The following VWA3B variants were observed in gnomAD, a reference collection of about 807,000 sequenced individuals.
VWA3B encodes the protein von Willebrand factor A domain-containing protein 3B.
VWA3B carries 138 observed loss-of-function variants against 158.3 expected under a neutral mutation model. The observed-to-expected ratio is 0.87, with a 90% CI of 0.76 to 1.00. The LOEUF is 1.00. VWA3B is among the 50% of genes least tolerant of loss of function. The pLI is 0.00. For missense variants in VWA3B, 1,555 were observed against 1,565.1 expected (o/e 0.99, Z 0.11); for synonymous variants, 596 against 587.3 (o/e 1.01, Z -0.21).
intron 19 of VWA3B, chr2:98,236,935 G>A (rs1685743249): frequency 6.6e-6 from 4 of 606,070 alleles, no homozygotes; most frequent in South Asian, 4.8e-5. Flanking sequence ...CAGCACTTGG[G>A]AAGGCTGTGG....
chr2:98,104,127 G>A (rs1325173038), intron 2 of VWA3B, among the ~76,000 whole-genome samples: 1 of 152,204 alleles, frequency 6.6e-6, no homozygotes, highest in Non-Finnish European at 1.5e-5. Flanking sequence ...ACAGCATATA[G>A]TTGGAGTTGG....
intron 21 of VWA3B, among the ~76,000 whole-genome samples, chr2:98,257,944 G>A (rs921285168): frequency 2.6e-5 from 4 of 151,720 alleles, no homozygotes; most frequent in Non-Finnish European, 5.9e-5. Flanking sequence ...ACAAAATCAT[G>A]AGCATTTATC....
At chr2:98,290,420 C>A in intron 22 of VWA3B, 91 bp from the exon 23 acceptor site, 1 of 993,318 alleles carries the variant, frequency 1.0e-6, no homozygotes, top group Non-Finnish European at 1.5e-6. Context: ...GACACAGAGC[C>A]AAACCATATC....
intron 12 of VWA3B, among the ~76,000 whole-genome samples, chr2:98,210,319 C>T (rs2105536704): frequency 6.6e-6 from 1 of 152,280 alleles, no homozygotes; most frequent in South Asian, 2.1e-4. Flanking sequence ...TTTAGCAACT[C>T]ACTCAGCTAG....
intron 12 of VWA3B, among the ~76,000 whole-genome samples, chr2:98,202,916 T>A (rs930611143): frequency 6.6e-5 from 10 of 152,140 alleles, no homozygotes; most frequent in Admixed American, 6.5e-4. Flanking sequence ...CACTGCAACC[T>A]CCACCTCCCA....
intron 25 of VWA3B, among the ~76,000 whole-genome samples, chr2:98,303,440 G>T (rs1452290399): frequency 6.6e-6 from 1 of 151,970 alleles, no homozygotes; most frequent in East Asian, 1.9e-4. Context: ...GTGTGTGTGT[G>T]TGTGTGTGTG....
chr2:98,184,368 C>T (rs1164149672), intron 9 of VWA3B, among the ~76,000 whole-genome samples: 1 of 152,248 alleles, frequency 6.6e-6, no homozygotes, highest in Non-Finnish European at 1.5e-5. Flanking sequence ...CCTTCAACCT[C>T]TTTCCGCCTT....
At chr2:98,291,691 G>A (rs915608572) in intron 23 of VWA3B, 23 of 152,262 alleles carry the variant, frequency 1.5e-4, no homozygotes, top group African/African-American at 5.5e-4. Context: ...GCTTCGGGTG[G>A]TAGATAGATA....
At chr2:98,252,234 A>G (rs1213531417) in intron 20 of VWA3B, among the ~76,000 whole-genome samples, 1 of 152,172 alleles carries the variant, frequency 6.6e-6, no homozygotes, top group South Asian at 2.1e-4. Flanking sequence ...TCCCAAGGCC[A>G]GGGCTCAGCC....
intron 21 of VWA3B, among the ~76,000 whole-genome samples, chr2:98,259,005 T>C (rs1385865049): frequency 1.3e-5 from 2 of 151,782 alleles, no homozygotes; most frequent in Non-Finnish European, 1.5e-5. Context: ...AAGTGCTTTT[T>C]TCTGTATCTA....
At chr2:98,101,138 A>T (rs764864195) in intron 2 of VWA3B, among the ~76,000 whole-genome samples, 6 of 152,194 alleles carry the variant, frequency 3.9e-5, no homozygotes, top group Non-Finnish European at 8.8e-5. Flanking sequence ...TAGCTGTGTG[A>T]AGTTTCAGGG....
intron 12 of VWA3B, among the ~76,000 whole-genome samples, chr2:98,195,576 G>T (rs113976539): frequency 4.0e-5 from 6 of 151,730 alleles, no homozygotes. Context: ...TGTGACATAC[G>T]TTCTGTCCTT....
At chr2:98,167,287 G>A (rs944127901) in intron 8 of VWA3B, among the ~76,000 whole-genome samples, 2 of 152,104 alleles carry the variant, frequency 1.3e-5, no homozygotes, top group South Asian at 2.1e-4. Flanking sequence ...TGAAAAGAAG[G>A]TGAGAAGAAG....
intron 6 of VWA3B, 126 bp from the exon 7 acceptor site, chr2:98,133,698 T>C: frequency 1.4e-6 from 1 of 735,260 alleles, no homozygotes; most frequent in African/African-American, 1.7e-5. Context: ...GAAGAAGCAG[T>C]GACCATGGCT....
At chr2:98,137,366 G>A (rs910235626) in intron 7 of VWA3B, among the ~76,000 whole-genome samples, 4 of 152,068 alleles carry the variant, frequency 2.6e-5, no homozygotes, top group Non-Finnish European at 5.9e-5. Flanking sequence ...TCTCATTGTG[G>A]TTTTTATTTG....
At chr2:98,128,096 C>G in intron 5 of VWA3B, 143 bp from the exon 6 acceptor site, 1 of 969,320 alleles carries the variant, frequency 1.0e-6, no homozygotes, top group Non-Finnish European at 1.6e-6. Flanking sequence ...GCCCTGATGT[C>G]CTCAGAAAAC....
intron 12 of VWA3B, among the ~76,000 whole-genome samples, chr2:98,210,331 G>A (rs1425965545): frequency 6.6e-6 from 1 of 152,152 alleles, no homozygotes; most frequent in Admixed American, 6.5e-5. Flanking sequence ...CTCAGCTAGA[G>A]TAAGATGCAT....
intron 8 of VWA3B, among the ~76,000 whole-genome samples, chr2:98,175,388 A>G (rs1345213848): frequency 2.0e-5 from 3 of 152,242 alleles, no homozygotes; most frequent in Admixed American, 2.0e-4. Flanking sequence ...AAGCAAATAG[A>G]AATTCTGTAG....
At chr2:98,262,034 CTAAT>C (rs2105848222) in intron 21 of VWA3B, among the ~76,000 whole-genome samples, 1 of 151,830 alleles carries the variant, frequency 6.6e-6, no homozygotes, top group Admixed American at 6.6e-5. Context: ...TTGCATTTCT[CTAAT>C]TATTTTTTTA....
Sources: allele counts gnomAD v4.1 joint callset (sites outside exome capture counted in the v4.1 genomes callset), GRCh38; gene constraint gnomAD v4.1.1; transcripts MANE v1.5; gene names NCBI Gene and HGNC (gene_info 2026-07-23, HGNC 2026-07-21).